ADCK1: variants seen among roughly 807,000 people sequenced by gnomAD.
The protein encoded by ADCK1 is aarF domain containing kinase 1.
Under a neutral mutation model 52.3 loss-of-function variants are expected in ADCK1, and 41 were observed. The observed-to-expected ratio is 0.78, with a 90% CI of 0.61 to 1.02. ADCK1 has a LOEUF of 1.02. ADCK1 is among the 50% of genes least tolerant of loss of function. ADCK1 has a pLI of 0.00. For missense variants in ADCK1, 658 were observed against 679.5 expected (o/e 0.97, Z 0.35); for synonymous variants, 250 against 274.6 (o/e 0.91, Z 0.89).
At chr14:77,917,035 C>T (rs1284339432) in intron 7 of ADCK1, among the ~76,000 whole-genome samples, 3 of 152,188 alleles carry the variant, frequency 2.0e-5, no homozygotes, top group Admixed American at 2.0e-4. Flanking sequence ...CCATCCCATC[C>T]TGGGCAACAT....
intron 4 of ADCK1, among the ~76,000 whole-genome samples, chr14:77,868,587 T>A (rs1225903678): frequency 1.3e-5 from 2 of 152,172 alleles, no homozygotes; most frequent in African/African-American, 4.8e-5. Context: ...TCACTCTCAG[T>A]CCACAGGCTG....
At chr14:77,847,644 C>A (rs1395968297) in intron 3 of ADCK1, among the ~76,000 whole-genome samples, 2 of 152,196 alleles carry the variant, frequency 1.3e-5, no homozygotes, top group East Asian at 3.9e-4. Context: ...GAAGGGTTAT[C>A]GTTGAAGATT....
chr14:77,870,703 G>A (rs1220007460), intron 4 of ADCK1, among the ~76,000 whole-genome samples: 2 of 152,216 alleles, frequency 1.3e-5, no homozygotes, highest in African/African-American at 4.8e-5. Flanking sequence ...TGAGTCAGGA[G>A]GCCATAGCCT....
chr14:77,802,778 G>A (rs1389549805), intron 1 of ADCK1, among the ~76,000 whole-genome samples: 1 of 151,994 alleles, frequency 6.6e-6, no homozygotes. Context: ...GTGAAACACC[G>A]TCTCTACTAA....
chr14:77,801,687 C>T (rs752271309), intron 1 of ADCK1, among the ~76,000 whole-genome samples: 6 of 152,142 alleles, frequency 3.9e-5, no homozygotes, highest in Non-Finnish European at 8.8e-5. Flanking sequence ...CACCTGTAAT[C>T]CCAGCACTTT....
chr14:77,931,370 G>T, intron 9 of ADCK1, 148 bp from the exon 10 acceptor site: 1 of 738,060 alleles, frequency 1.4e-6, no homozygotes, highest in Non-Finnish European at 2.2e-6. Context: ...TATGGGGAGT[G>T]CTCCTAGCAG....
intron 4 of ADCK1, among the ~76,000 whole-genome samples, chr14:77,879,781 T>C (rs554903575): frequency 4.6e-5 from 7 of 152,228 alleles, no homozygotes; most frequent in South Asian, 2.1e-4. Context: ...CACTCACTGA[T>C]GGAAGCAGAC....
At chr14:77,899,295 G>A (rs771566941) in intron 6 of ADCK1, 37 bp downstream of exon 6, 54 of 1,611,330 alleles carry the variant, frequency 3.4e-5, no homozygotes, top group Non-Finnish European at 4.4e-5. Context: ...ATGGTGGTCT[G>A]GTGGAAGAGT....
chr14:77,842,449 TTCC>T (rs1197021590), intron 3 of ADCK1, among the ~76,000 whole-genome samples: 28 of 41,178 alleles, frequency 6.8e-4, no homozygotes, highest in East Asian at 3.5e-3. Context: ...GTATTTTTTT[TTCC>T]TTCCTTCCTT....
At chr14:77,804,489 C>T (rs972090601) in intron 1 of ADCK1, among the ~76,000 whole-genome samples, 13 of 152,084 alleles carry the variant, frequency 8.5e-5, no homozygotes, top group African/African-American at 1.9e-4. Context: ...GTGTCTGCTT[C>T]GCTGTTACTT....
At chr14:77,920,450 G>A (rs191183216) in intron 7 of ADCK1, among the ~76,000 whole-genome samples, 316 of 152,112 alleles carry the variant, frequency 2.1e-3, no homozygotes, top group Admixed American at 5.9e-3. Context: ...CTGTTCCATC[G>A]GTCTACGTGC....
intron 4 of ADCK1, among the ~76,000 whole-genome samples, chr14:77,867,475 A>G (rs376276629): frequency 3.8e-4 from 58 of 152,242 alleles, no homozygotes; most frequent in African/African-American, 1.3e-3. Flanking sequence ...AAAAAAACCC[A>G]TTTCCCCCCC....
chr14:77,839,962 G>A (rs1240235082), intron 3 of ADCK1, among the ~76,000 whole-genome samples: 1 of 151,414 alleles, frequency 6.6e-6, no homozygotes, highest in Non-Finnish European at 1.5e-5. Context: ...AAGTAGGGAG[G>A]CGGGGAGGAG....
chr14:77,872,445 C>G lies in ADCK1; in HGVS notation c.423+13166C>G, dbSNP rs532762974. On this transcript the variant is annotated intron_variant, in intron 4 of 10. Coordinates refer to ENST00000238561, the MANE Select transcript of ADCK1 (RefSeq NM_020421.4). ...CCTTCCGCTCCGGGCTGGCCTCTGA[C>G]CTGTGTTCCCTAAAAGCCAATCATA... Among the ~76,000 whole-genome samples, 7 of 152,240 alleles carry G rather than the reference C, an allele frequency of 4.6e-5. No individual in the cohort carries two copies. The South Asian group carries it at 1.5e-3, about 32-fold the overall frequency.
intron 4 of ADCK1, among the ~76,000 whole-genome samples, chr14:77,862,725 G>A (rs1159913340): frequency 3.9e-5 from 6 of 152,180 alleles, no homozygotes; most frequent in African/African-American, 7.2e-5. Context: ...GCTGGTCTAC[G>A]CGGTTGGCAT....
At chr14:77,870,653 C>T (rs1218100632) in intron 4 of ADCK1, among the ~76,000 whole-genome samples, 2 of 152,186 alleles carry the variant, frequency 1.3e-5, no homozygotes. Flanking sequence ...CCCTCAACAT[C>T]CCCCTGGAGC....
In ADCK1 at chr14:77,923,413, TGA is replaced by T. The variant is rs543632576; in HGVS notation, c.859-1041_859-1040del. ...ATATGGCTGGAATGTCAGTGTGGTG[TGA>T]GATGAGACCAGGCAGGAGGCAGGGC... On this transcript the variant is annotated intron_variant, in intron 7 of 10. Transcript: ENST00000238561. The surrounding 1 kb of genome is among the most constrained non-coding windows in gnomAD (Gnocchi z 4.3). The T allele has an allele frequency of 6.6e-6, 1 of 152,164 alleles. No homozygotes were observed. The highest frequency in any genetic ancestry group is 2.1e-4 in the South Asian group (1 of 4,816). The allele number at this position is 152,164 out of a possible 1,614,324, so 9.4% of individuals were successfully genotyped here.
chr14:77,893,396 G>A (rs532642279), intron 5 of ADCK1, among the ~76,000 whole-genome samples: 2 of 152,116 alleles, frequency 1.3e-5, no homozygotes, highest in Admixed American at 1.3e-4. Flanking sequence ...TGAGCTGGGG[G>A]ACTACCATAA....
intron 1 of ADCK1, among the ~76,000 whole-genome samples, chr14:77,808,194 T>G (rs929046776): frequency 6.6e-5 from 10 of 152,138 alleles, no homozygotes; most frequent in Admixed American, 3.3e-4. Flanking sequence ...ACCAAAGCCT[T>G]TTTTGGGGTC....
Sources: allele counts gnomAD v4.1 joint callset (sites outside exome capture counted in the v4.1 genomes callset), GRCh38; gene constraint gnomAD v4.1.1; non-coding constraint Gnocchi (gnomAD v3.1); transcripts MANE v1.5; gene names NCBI Gene and HGNC (gene_info 2026-07-23, HGNC 2026-07-21).